The following FOXP2 variants were observed in gnomAD, a reference collection of about 807,000 sequenced individuals.
FOXP2 encodes the protein forkhead box protein P2.
A neutral mutation model predicts 115.8 loss-of-function variants in FOXP2; 12 were observed. The observed-to-expected ratio is 0.10, with a 90% CI of 0.07 to 0.17. The LOEUF (loss-of-function observed/expected upper bound fraction) is 0.17, where lower values mean the gene tolerates loss of function less well. Among genes scored for constraint, FOXP2 ranks in the 10% least tolerant of loss-of-function variants. The probability of loss-of-function intolerance (pLI) is 1.00; values close to 1 mark genes in which losing one functional copy is unlikely to be tolerated. For synonymous variants in FOXP2, 328 were observed against 297.7 expected (o/e 1.10, Z -1.05); for missense variants, 629 against 843.5 (o/e 0.75, Z 3.15).
rs1042660075 is a variant in FOXP2 at position 114,629,924 on chromosome 7, A to G, written c.516A>G (p.Gln172=). The change falls in exon 5 of 17, where the codon CAA becomes CAG. Residue 172 remains glutamine (Q), a synonymous_variant. Transcript: ENST00000350908. ...QQQQQQQQQQ[Q]QQQQQQQQQQ... is the part of the protein sequence containing the mutation. ...AGCAACAACAGCAGCAGCAACAACAACAACAACAGCAGCAACAACAGCAGC... is the reference window on the plus strand; with the variant it reads ...AGCAACAACAGCAGCAGCAACAACAGCAACAACAGCAGCAACAACAGCAGC... The G allele has an allele frequency of 2.5e-6, 4 of 1,604,190 alleles. No individual in the cohort carries two copies. Among genetic ancestry groups the G allele is most frequent in the Non-Finnish European group, 3.4e-6 (4 of 1,176,810 alleles).
At chr7:114,189,475 C>T (rs1422440010) in intron 1 of FOXP2, among the ~76,000 whole-genome samples, 3 of 152,056 alleles carry the variant, frequency 2.0e-5, no homozygotes, top group Non-Finnish European at 4.4e-5. Flanking sequence ...TCCTACTTTT[C>T]CCATCTCTCT....
At chr7:114,466,023 A>G (rs1485982740) in intron 2 of FOXP2, among the ~76,000 whole-genome samples, 1 of 152,152 alleles carries the variant, frequency 6.6e-6, no homozygotes, top group African/African-American at 2.4e-5. Context: ...CCCAAATCAT[A>G]TTTATTGCAA....
intron 1 of FOXP2, among the ~76,000 whole-genome samples, chr7:114,191,307 A>C (rs1005546838): frequency 5.8e-4 from 88 of 152,138 alleles, no homozygotes; most frequent in African/African-American, 1.8e-3. Flanking sequence ...ATCTAGTTAG[A>C]TATAGAAGGA....
intron 1 of FOXP2, among the ~76,000 whole-genome samples, chr7:114,198,298 A>G (rs935208079): frequency 7.9e-5 from 12 of 152,304 alleles, no homozygotes; most frequent in Non-Finnish European, 1.0e-4. Context: ...ATAAAGGAGT[A>G]TTGGAAGTGG....
At chr7:114,605,661 A>G (rs1483271300) in intron 3 of FOXP2, among the ~76,000 whole-genome samples, 2 of 152,096 alleles carry the variant, frequency 1.3e-5, no homozygotes, top group African/African-American at 2.4e-5. Context: ...GTTTGCCAAC[A>G]TATTGTGCTC....
At chr7:114,330,786 CAAT>C (rs1797689517) in intron 2 of FOXP2, among the ~76,000 whole-genome samples, 1 of 151,970 alleles carries the variant, frequency 6.6e-6, no homozygotes, top group African/African-American at 2.4e-5. Flanking sequence ...GTAAATCCGA[CAAT>C]AATATCTGTT....
chr7:114,206,657 G>T (rs1230679636), intron 1 of FOXP2, among the ~76,000 whole-genome samples: 1 of 151,970 alleles, frequency 6.6e-6, no homozygotes, highest in African/African-American at 2.4e-5. Flanking sequence ...TCCTCTGTTG[G>T]AATGAAAGCT....
At chr7:114,320,502 G>C (rs140700591) in intron 2 of FOXP2, among the ~76,000 whole-genome samples, 1 of 152,170 alleles carries the variant, frequency 6.6e-6, no homozygotes, top group East Asian at 1.9e-4. Flanking sequence ...TAACTTCTTT[G>C]TTTATTTTTA....
At chr7:114,481,692 A>G (rs920916846) in intron 2 of FOXP2, among the ~76,000 whole-genome samples, 12 of 151,228 alleles carry the variant, frequency 7.9e-5, no homozygotes, top group Non-Finnish European at 1.5e-5. Flanking sequence ...AAATTCCCCC[A>G]GAGTATTTAA....
intron 1 of FOXP2, among the ~76,000 whole-genome samples, chr7:114,250,481 T>C (rs908424196): frequency 3.9e-5 from 6 of 152,276 alleles, no homozygotes; most frequent in African/African-American, 4.8e-5. Context: ...TTTTAATGAT[T>C]GCCATTCTAA....
intron 1 of FOXP2, among the ~76,000 whole-genome samples, chr7:114,112,192 C>T (rs572111192): frequency 6.6e-6 from 1 of 152,224 alleles, no homozygotes; most frequent in East Asian, 1.9e-4. Flanking sequence ...GAAACACAAA[C>T]CTGAGGAGTG....
intron 2 of FOXP2, among the ~76,000 whole-genome samples, chr7:114,360,311 T>A (rs2129187426): frequency 6.6e-6 from 1 of 152,254 alleles, no homozygotes; most frequent in South Asian, 2.1e-4. Flanking sequence ...GATTACCCAG[T>A]CTCAGGTGTT....
intron 1 of FOXP2, among the ~76,000 whole-genome samples, chr7:114,252,600 C>G (rs1335212276): frequency 6.6e-6 from 1 of 152,202 alleles, no homozygotes; most frequent in African/African-American, 2.4e-5. Context: ...ATAGCATTCT[C>G]TGATGTTAGT....
At chr7:114,541,265 A>G (rs1799647070) in intron 3 of FOXP2, among the ~76,000 whole-genome samples, 1 of 152,092 alleles carries the variant, frequency 6.6e-6, no homozygotes, top group South Asian at 2.1e-4. Context: ...AGATGAATCC[A>G]TGGTAGTAGA....
At chr7:114,134,404 G>T (rs1195247743) in intron 1 of FOXP2, among the ~76,000 whole-genome samples, 3 of 152,128 alleles carry the variant, frequency 2.0e-5, no homozygotes, top group African/African-American at 4.8e-5. Flanking sequence ...GGCTTTCAAT[G>T]AATCTTCACA....
At chr7:114,264,944 G>T (rs942271141) in intron 1 of FOXP2, among the ~76,000 whole-genome samples, 3 of 152,118 alleles carry the variant, frequency 2.0e-5, no homozygotes, top group African/African-American at 7.2e-5. Context: ...AGCCATGAGG[G>T]ATCCTCCCAC....
intron 3 of FOXP2, among the ~76,000 whole-genome samples, chr7:114,559,441 G>T (rs1035259224): frequency 1.3e-5 from 2 of 152,078 alleles, no homozygotes. Context: ...TCTCTACTGC[G>T]ATTTCTAACA....
At chr7:114,526,991 A>ATTTTTTTTTTTTTTT (rs200748852) in intron 2 of FOXP2, among the ~76,000 whole-genome samples, 5 of 128,848 alleles carry the variant, frequency 3.9e-5, no homozygotes, top group Non-Finnish European at 8.2e-5. Flanking sequence ...CCACTAATCT[A>ATTTTTTTTTTTTTTT]TTTTTTTTTT....
chr7:114,283,972 GCAAAA>G (rs1465731878), intron 1 of FOXP2, among the ~76,000 whole-genome samples: 1 of 151,816 alleles, frequency 6.6e-6, no homozygotes, highest in Non-Finnish European at 1.5e-5. Context: ...AAAAAGAAGA[GCAAAA>G]CAAAACAAAA....
Sources: gnomAD v4.1 joint callset for allele counts (sites outside exome capture counted in the v4.1 genomes callset) on GRCh38, gnomAD v4.1.1 for gene constraint, MANE v1.5 for transcripts, NCBI Gene and HGNC (gene_info 2026-07-23, HGNC 2026-07-21) for gene names.